The following BORCS5 variants were observed in gnomAD, a reference collection of about 807,000 sequenced individuals.
BORCS5 encodes BLOC-1-related complex subunit 5.
In BORCS5, 17 loss-of-function variants were observed where a neutral mutation model predicts 22.1. The ratio of observed to expected loss-of-function variants is 0.77; its 90% CI spans 0.53 to 1.15. The LOEUF is 1.15. BORCS5 is among the 50% of genes most tolerant of loss of function. BORCS5 has a pLI of 0.00. For synonymous variants in BORCS5, 117 were observed against 99.8 expected, an observed-to-expected ratio of 1.17 and a Z score of -1.03; for missense variants, 247 against 253.2, an observed-to-expected ratio of 0.98 and a Z score of 0.17.
chr12:12,390,016 C>A (rs1483548287), intron 2 of BORCS5, among the ~76,000 whole-genome samples: 1 of 152,080 alleles, frequency 6.6e-6, no homozygotes, highest in Non-Finnish European at 1.5e-5. Context: ...GGACTGTTTT[C>A]TTTGCTTTCC....
chr12:12,357,267 C>A lies in BORCS5; in HGVS notation c.-185C>A. 6.9e-7 allele frequency: 1 copy of A among 1,459,536 alleles called. No individual in the cohort carries two copies. The highest frequency in any genetic ancestry group is 9.0e-7 in the Non-Finnish European group (1 of 1,107,786). 90.4% of individuals were successfully genotyped at this position (1,459,536 alleles called of 1,614,324 possible). A position where few individuals can be genotyped will look rare whatever the true frequency, so the allele number is the denominator to read the frequency against. On this transcript the variant is annotated 5_prime_UTR_variant, in exon 1 of 4. Transcript: ENST00000314565. ...CGTTTCTGTTCCCCAAATAGGGCCT[C>A]TCCTTCTCCCGCCGCCCAGGCCCCT...
intron 2 of BORCS5, among the ~76,000 whole-genome samples, chr12:12,362,141 GCCC>G (rs987956625): frequency 6.6e-6 from 1 of 152,150 alleles, no homozygotes; most frequent in East Asian, 1.9e-4. Context: ...GAATTAAAAT[GCCC>G]CTCCTCATAC....
intron 3 of BORCS5, among the ~76,000 whole-genome samples, chr12:12,447,731 A>G (rs1276093150): frequency 6.6e-6 from 1 of 152,204 alleles, no homozygotes; most frequent in Admixed American, 6.5e-5. Context: ...TTGGGTGCAT[A>G]CACGAGGGAA....
intron 2 of BORCS5, among the ~76,000 whole-genome samples, chr12:12,370,003 G>A (rs964396487): frequency 8.6e-5 from 13 of 151,170 alleles, no homozygotes; most frequent in South Asian, 4.2e-4. Context: ...GGAATTACAG[G>A]CATGAGCCAC....
At chr12:12,394,425 T>G (rs1445124978) in intron 2 of BORCS5, among the ~76,000 whole-genome samples, 1 of 152,068 alleles carries the variant, frequency 6.6e-6, no homozygotes, top group East Asian at 1.9e-4. Flanking sequence ...GGGATTTAAC[T>G]ATTTTGGTGA....
chr12:12,375,163 C>T (rs977362713), intron 2 of BORCS5, among the ~76,000 whole-genome samples: 20 of 152,120 alleles, frequency 1.3e-4, no homozygotes, highest in African/African-American at 3.6e-4. Flanking sequence ...AGGTGCCTGC[C>T]ACCATGCCCG....
chr12:12,459,422 T>TGCCTCA (rs1177409449), intron 3 of BORCS5, among the ~76,000 whole-genome samples: 1 of 152,042 alleles, frequency 6.6e-6, no homozygotes, highest in Non-Finnish European at 1.5e-5. Flanking sequence ...GTGATTCTCC[T>TGCCTCA]GCCTCAGCCT....
intron 2 of BORCS5, among the ~76,000 whole-genome samples, chr12:12,414,357 G>A (rs1218343891): frequency 2.9e-5 from 3 of 105,028 alleles, no homozygotes; most frequent in Admixed American, 1.7e-4. Context: ...CCTCCCTCCC[G>A]GACGGGGTGG....
intron 3 of BORCS5, among the ~76,000 whole-genome samples, chr12:12,438,374 A>AAAAAAAAAAACAAAAAAC (rs1555156024): frequency 4.0e-4 from 50 of 125,044 alleles, no homozygotes; most frequent in Non-Finnish European, 5.7e-4. Context: ...AAAAAAAAAA[A>AAAAAAAAAAACAAAAAAC]AAAAAACGAA....
At chr12:12,423,984 C>G (rs910882522) in intron 2 of BORCS5, among the ~76,000 whole-genome samples, 1 of 152,232 alleles carries the variant, frequency 6.6e-6, no homozygotes, top group African/African-American at 2.4e-5. Flanking sequence ...GCCAGTGTGC[C>G]TGGCCCTTTC....
chr12:12,364,096 C>T (rs1863353208), intron 2 of BORCS5, among the ~76,000 whole-genome samples: 1 of 152,008 alleles, frequency 6.6e-6, no homozygotes, highest in South Asian at 2.1e-4. Flanking sequence ...ATAAGGAAGG[C>T]CAGGCACAGT....
intron 2 of BORCS5, among the ~76,000 whole-genome samples, chr12:12,429,593 T>G (rs891394576): frequency 7.0e-6 from 1 of 143,780 alleles, no homozygotes; most frequent in African/African-American, 2.8e-5. Context: ...TGTAATTCCT[T>G]TGATTTTGAA....
At chr12:12,425,077 T>C (rs1291190255) in intron 2 of BORCS5, among the ~76,000 whole-genome samples, 1 of 152,096 alleles carries the variant, frequency 6.6e-6, no homozygotes. Context: ...AGAGCATAGA[T>C]TCATATTTAG....
chr12:12,450,611 CAT>C (rs1565928179), intron 3 of BORCS5, among the ~76,000 whole-genome samples: 3 of 152,132 alleles, frequency 2.0e-5, no homozygotes, highest in Admixed American at 1.3e-4. Flanking sequence ...TTCAAAAAGG[CAT>C]TAAACACACT....
intron 2 of BORCS5, among the ~76,000 whole-genome samples, chr12:12,412,900 C>CTTTTTTTTTTTTGTTTTTT (rs1941775738): frequency 1.3e-5 from 1 of 74,174 alleles, no homozygotes; most frequent in East Asian, 5.3e-4. Context: ...TTGTGGTTTT[C>CTTTTTTTTTTTTGTTTTTT]TTTTTTTTTT....
intron 2 of BORCS5, among the ~76,000 whole-genome samples, chr12:12,377,324 G>A (rs145403805): frequency 5.9e-5 from 9 of 152,052 alleles, no homozygotes; most frequent in South Asian, 2.1e-4. Context: ...GACTACAGGC[G>A]CGCACCACCA....
At chr12:12,448,277 G>A (rs957378648) in intron 3 of BORCS5, among the ~76,000 whole-genome samples, 16 of 152,114 alleles carry the variant, frequency 1.1e-4, no homozygotes. Flanking sequence ...GTGCAGTGGT[G>A]CAATCTCGGC....
At chr12:12,443,005 C>G (rs1364436619) in intron 3 of BORCS5, among the ~76,000 whole-genome samples, 5 of 152,128 alleles carry the variant, frequency 3.3e-5, no homozygotes, top group Admixed American at 3.3e-4. Flanking sequence ...ATGAGTAGTT[C>G]CGAGTGTTGC....
intron 3 of BORCS5, among the ~76,000 whole-genome samples, chr12:12,439,482 AAAAC>A (rs144915304): frequency 0.046 from 6,968 of 152,042 alleles, 531 homozygotes; most frequent in African/African-American, 0.16. Flanking sequence ...ACCAAGAAAA[AAAAC>A]AAACAGGCAT....
Sources: gnomAD v4.1 joint callset for allele counts (sites outside exome capture counted in the v4.1 genomes callset) on GRCh38, gnomAD v4.1.1 for gene constraint, MANE v1.5 for transcripts, NCBI Gene and HGNC (gene_info 2026-07-23, HGNC 2026-07-21) for gene names.